ANO4: variants seen among roughly 807,000 people sequenced by gnomAD.
ANO4 encodes anoctamin 4.
Under a neutral mutation model 141.9 loss-of-function variants are expected in ANO4, and 69 were observed. That is an observed-to-expected ratio of 0.49 (90% CI 0.40 to 0.59). The LOEUF is 0.59. Ranked by LOEUF, ANO4 falls within the 20% of genes least tolerant of loss-of-function variation. The probability of loss-of-function intolerance (pLI) is 0.00; values close to 1 mark genes in which losing one functional copy is unlikely to be tolerated. For synonymous variants in ANO4, 350 were observed against 394.3 expected (o/e 0.89, Z 1.33); for missense variants, 894 against 1,162.2 (o/e 0.77, Z 3.36).
At chr12:100,783,745 G>A (rs564013337) in intron 3 of ANO4, among the ~76,000 whole-genome samples, 10 of 152,206 alleles carry the variant, frequency 6.6e-5, no homozygotes, top group Admixed American at 4.6e-4. Context: ...TTCTTGGATC[G>A]GGAAGGCAAT....
At chr12:101,032,566 C>T (rs1396334977) in intron 9 of ANO4, among the ~76,000 whole-genome samples, 4 of 152,208 alleles carry the variant, frequency 2.6e-5, no homozygotes, top group African/African-American at 7.2e-5. Context: ...TCAACCTACT[C>T]ATCTGACAGA....
intron 1 of ANO4, among the ~76,000 whole-genome samples, chr12:100,802,374 G>A (rs570813086): frequency 3.3e-5 from 5 of 152,148 alleles, no homozygotes; most frequent in African/African-American, 9.6e-5. Context: ...ATTTCTGCTT[G>A]CCTTGTCCCT....
At chr12:101,059,903 C>G (rs908877551) in intron 14 of ANO4, among the ~76,000 whole-genome samples, 3 of 151,860 alleles carry the variant, frequency 2.0e-5, no homozygotes, top group African/African-American at 7.3e-5. Context: ...TCTTAGTCAG[C>G]CTTCTTGTCT....
intron 5 of ANO4, among the ~76,000 whole-genome samples, chr12:100,965,375 C>T (rs1177102295): frequency 6.6e-6 from 1 of 152,094 alleles, no homozygotes; most frequent in African/African-American, 2.4e-5. Context: ...TCTTGTCTCA[C>T]CTGGCTACTA....
At position 100,865,019 on chromosome 12, in the gene ANO4, T is replaced by A. The variant is rs142695260; in HGVS notation, c.-140-36627T>A. Among the ~76,000 whole-genome samples, 366 of 152,340 alleles carry A rather than the reference T, an allele frequency of 2.4e-3. 2 individuals are homozygous for A. The highest frequency in any genetic ancestry group is 0.018 in the East Asian group (94 of 5,178). On this transcript the variant is annotated intron_variant, in intron 1 of 27. Coordinates refer to ENST00000392977, the MANE Select transcript of ANO4 (RefSeq NM_001286615.2). ...GTGTATATGTGCCACATTTTCTTTATCCAGGCTATCATTGATGGGCATTTG... is the reference window on the plus strand; with the variant it reads ...GTGTATATGTGCCACATTTTCTTTAACCAGGCTATCATTGATGGGCATTTG...
At chr12:100,734,153 A>T (rs1327386704) in intron 2 of ANO4, among the ~76,000 whole-genome samples, 5 of 152,224 alleles carry the variant, frequency 3.3e-5, no homozygotes, top group Admixed American at 3.3e-4. Flanking sequence ...CTGTACTATT[A>T]TGCACTTGAT....
chr12:100,940,712 A>C (rs2136171748), intron 4 of ANO4, among the ~76,000 whole-genome samples: 1 of 152,198 alleles, frequency 6.6e-6, no homozygotes, highest in East Asian at 1.9e-4. Context: ...CAGGTCTGGC[A>C]TGTTTACCTT....
At chr12:100,893,807 G>A (rs1472861128) in intron 1 of ANO4, among the ~76,000 whole-genome samples, 1 of 152,040 alleles carries the variant, frequency 6.6e-6, no homozygotes, top group African/African-American at 2.4e-5. Flanking sequence ...GATAGAATTT[G>A]GTCGCAGGGG....
intron 1 of ANO4, among the ~76,000 whole-genome samples, chr12:100,862,409 C>T (rs1350038459): frequency 1.3e-5 from 2 of 152,114 alleles, no homozygotes; most frequent in African/African-American, 4.8e-5. Context: ...GCAATCTCCG[C>T]CTCCCAGGTT....
chr12:101,070,129 A>C (rs145455324), intron 14 of ANO4, among the ~76,000 whole-genome samples: 1 of 152,318 alleles, frequency 6.6e-6, no homozygotes, highest in East Asian at 1.9e-4. Flanking sequence ...CCCTATAAAA[A>C]TACCAATTAT....
rs575550200 is a variant in ANO4 at position 100,942,605 on chromosome 12, A to G, written c.456+70A>G. ...TCATATGAAGAGGCAATAAGAAATA[A>G]GCAAGCAGTCTTAATGTTAACCAAA... On this transcript the variant is annotated intron_variant, in intron 5 of 27. Transcript: ENST00000392977. The G allele has an allele frequency of 1.4e-3, 2,090 of 1,494,090 alleles. 2 individuals are homozygous for G. The highest frequency in any genetic ancestry group is 1.7e-3 in the Non-Finnish European group (1,836 of 1,105,732). The allele number at this position is 1,494,090 out of a possible 1,614,324, so 92.6% of individuals were successfully genotyped here.
intron 10 of ANO4, chr12:101,038,637 A>G (rs1322364082): frequency 6.6e-6 from 1 of 152,218 alleles, no homozygotes; most frequent in Non-Finnish European, 1.5e-5. Flanking sequence ...GCAGAAGGTC[A>G]GATATTGCTG....
intron 3 of ANO4, among the ~76,000 whole-genome samples, chr12:100,769,242 T>C (rs912498690): frequency 3.3e-5 from 5 of 152,200 alleles, no homozygotes; most frequent in African/African-American, 4.8e-5. Flanking sequence ...TCCTGAGAGG[T>C]ATGCATTTGT....
At chr12:100,758,473 A>C (rs2032710969) in intron 3 of ANO4, among the ~76,000 whole-genome samples, 1 of 152,134 alleles carries the variant, frequency 6.6e-6, no homozygotes. Context: ...CTCTGGAGAG[A>C]ATTGCTGGGG....
chr12:100,770,765 A>G (rs1229627163), intron 3 of ANO4, among the ~76,000 whole-genome samples: 3 of 150,312 alleles, frequency 2.0e-5, no homozygotes, highest in Non-Finnish European at 4.4e-5. Context: ...ACAGAGTGGA[A>G]GAGGCCTTGG....
At chr12:100,815,509 G>A (rs1196838578) in intron 1 of ANO4, among the ~76,000 whole-genome samples, 2 of 152,012 alleles carry the variant, frequency 1.3e-5, no homozygotes, top group Non-Finnish European at 2.9e-5. Context: ...TCAATATTTT[G>A]CAAAATCCAT....
At chr12:101,023,305 A>C (rs1191307094) in intron 9 of ANO4, among the ~76,000 whole-genome samples, 1 of 152,240 alleles carries the variant, frequency 6.6e-6, no homozygotes, top group African/African-American at 2.4e-5. Context: ...GCTAGTCAGA[A>C]AGGGTCTTTA....
intron 14 of ANO4, among the ~76,000 whole-genome samples, chr12:101,074,956 G>A (rs1265837014): frequency 6.6e-6 from 1 of 152,124 alleles, no homozygotes; most frequent in Non-Finnish European, 1.5e-5. Context: ...ATACAGCTCT[G>A]CTCTCAAGAA....
At chr12:100,807,218 T>C (rs554140867) in intron 1 of ANO4, among the ~76,000 whole-genome samples, 19 of 152,308 alleles carry the variant, frequency 1.2e-4, no homozygotes, top group African/African-American at 3.6e-4. Flanking sequence ...GGCTAGGTGG[T>C]GATTCTTGAG....
Sources: gnomAD v4.1 joint callset for allele counts (sites outside exome capture counted in the v4.1 genomes callset) on GRCh38, gnomAD v4.1.1 for gene constraint, MANE v1.5 for transcripts, NCBI Gene and HGNC (gene_info 2026-07-23, HGNC 2026-07-21) for gene names.